The following ERMARD variants were observed in gnomAD, a reference collection of about 807,000 sequenced individuals.
The protein encoded by ERMARD is ER membrane associated RNA degradation.
In ERMARD, 71 loss-of-function variants were observed where a neutral mutation model predicts 83.9. The ratio of observed to expected loss-of-function variants is 0.85; its 90% CI spans 0.70 to 1.03. The LOEUF is 1.03. Among genes scored for constraint, ERMARD ranks in the 50% least tolerant of loss-of-function variants. ERMARD has a pLI of 0.00. For missense variants in ERMARD, 838 were observed against 810.9 expected (o/e 1.03, Z -0.41); for synonymous variants, 284 against 298.6 (o/e 0.95, Z 0.50).
chr6:169,762,404 A>G (rs761708734), intron 8 of ERMARD, 25 bp from the exon 9 acceptor site: 11 of 1,571,292 alleles, frequency 7.0e-6, no homozygotes, highest in Non-Finnish European at 9.6e-6. Flanking sequence ...GTGGAGTTTT[A>G]CCTCTTTTCC....
chr6:169,777,631 A>G (rs900768597), intron 16 of ERMARD, among the ~76,000 whole-genome samples: 8 of 152,102 alleles, frequency 5.3e-5, no homozygotes, highest in Non-Finnish European at 1.2e-4. Flanking sequence ...GTATATATGA[A>G]CTCTATGGAC....
At chr6:169,778,636 CT>C (rs1793860985) in intron 16 of ERMARD, among the ~76,000 whole-genome samples, 2 of 152,216 alleles carry the variant, frequency 1.3e-5, no homozygotes, top group South Asian at 4.1e-4. Flanking sequence ...AATTTACACT[CT>C]TACCAGCAGT....
At chr6:169,751,530 C>T (rs1790075179), upstream of ERMARD, 3 of 1,610,156 alleles carry the variant, frequency 1.9e-6, no homozygotes. Context: ...GCCAGTCCCG[C>T]GAGGGCGGAA....
intron 9 of ERMARD, 49 bp downstream of exon 9, chr6:169,762,580 GTTTT>G: frequency 6.8e-7 from 1 of 1,475,320 alleles, no homozygotes; most frequent in Non-Finnish European, 9.3e-7. Flanking sequence ...TGTATTAACA[GTTTT>G]CTGTTACCAA....
chr6:169,764,288 A>G (rs1585375081), intron 9 of ERMARD, among the ~76,000 whole-genome samples: 1 of 141,834 alleles, frequency 7.1e-6, no homozygotes, highest in Admixed American at 7.1e-5. Context: ...TTTTTGAGGC[A>G]GGGTCTTGCT....
rs779152336 is a variant in ERMARD at position 169,775,265 on chromosome 6, C to T, written c.1318-5C>T. ...CTACAAAAGCAATAAAACATTTCCTCCCAGGTGCTGAGCTGTGAGGAGAGC... is the reference window on the plus strand; with the variant it reads ...CTACAAAAGCAATAAAACATTTCCTTCCAGGTGCTGAGCTGTGAGGAGAGC... On this transcript the variant is annotated splice_polypyrimidine_tract_variant and splice_region_variant and intron_variant, in intron 13 of 17. Transcript: ENST00000366773. 6.2e-7 allele frequency: 1 copy of T among 1,613,868 alleles called. No homozygotes were observed. Among genetic ancestry groups the T allele is most frequent in the Non-Finnish European group, 8.5e-7 (1 of 1,179,926 alleles).
At chr6:169,772,074 G>A (rs1434728064) in intron 12 of ERMARD, 1 of 152,354 alleles carries the variant, frequency 6.6e-6, no homozygotes, top group Non-Finnish European at 1.5e-5. Flanking sequence ...TGTCCCTCCT[G>A]TGCCACCACC....
At chr6:169,767,951 C>T (rs755191862) in intron 10 of ERMARD, 152 bp from the exon 11 acceptor site, 1 of 626,092 alleles carries the variant, frequency 1.6e-6, no homozygotes, top group Non-Finnish European at 2.9e-6. Flanking sequence ...TTCCTGAACA[C>T]CTGTTTGCTG....
At chr6:169,760,505 TA>T in intron 7 of ERMARD, 136 bp from the exon 8 acceptor site, 1 of 635,716 alleles carries the variant, frequency 1.6e-6, no homozygotes, top group Non-Finnish European at 2.7e-6. Context: ...TCCTACTCTC[TA>T]ACAAGTCCCC....
At position 169,767,928 on chromosome 6, in the gene ERMARD, G is replaced by A. The variant is rs1439278805; in HGVS notation, c.991-175G>A. The A allele has an allele frequency of 4.9e-6, 3 of 610,740 alleles. No individual in the cohort carries two copies. The African/African-American group carries it at 5.6e-5, about 11-fold the overall frequency. The allele number at this position is 610,740 out of a possible 1,614,324, so 37.8% of individuals were successfully genotyped here. A position where few individuals can be genotyped will look rare whatever the true frequency, so the allele number is the denominator to read the frequency against. ...ATATAGTCTTAAAGTCATTCTGTTGGTTAAGAAAATATTTCCTGAACACCT... is the reference window on the plus strand; with the variant it reads ...ATATAGTCTTAAAGTCATTCTGTTGATTAAGAAAATATTTCCTGAACACCT... On this transcript the variant is annotated intron_variant, in intron 10 of 17. Transcript: ENST00000366773.
chr6:169,779,434 C>T (rs1793956572), intron 17 of ERMARD, 139 bp downstream of exon 17: 1 of 705,320 alleles, frequency 1.4e-6, no homozygotes, highest in South Asian at 1.6e-5. Context: ...AAGGGTCTGA[C>T]ATCTGGCCTG....
intron 10 of ERMARD, 107 bp downstream of exon 10, chr6:169,766,774 AC>A (rs1407811546): frequency 1.5e-5 from 18 of 1,224,866 alleles, no homozygotes; most frequent in Non-Finnish European, 2.0e-5. Flanking sequence ...TCATATACTT[AC>A]AGGAAAATGT....
At chr6:169,758,324 C>G (rs1311194528) in intron 5 of ERMARD, among the ~76,000 whole-genome samples, 1 of 152,212 alleles carries the variant, frequency 6.6e-6, no homozygotes, top group Non-Finnish European at 1.5e-5. Context: ...AGTATGGCGC[C>G]TCAAACCCAA....
intron 14 of ERMARD, 108 bp from the exon 15 acceptor site, chr6:169,775,832 G>C: frequency 7.5e-7 from 1 of 1,341,930 alleles, no homozygotes; most frequent in South Asian, 1.5e-5. Flanking sequence ...AGGAAAGTGA[G>C]ATTCACAGTC....
intron 1 of ERMARD, 67 bp downstream of exon 1, chr6:169,751,730 G>A (rs759528378): frequency 6.6e-5 from 98 of 1,487,926 alleles, no homozygotes; most frequent in Non-Finnish European, 8.3e-5. Flanking sequence ...GCTGGGTGGT[G>A]CTCGGCTACG....
rs1398857296 is a variant in ERMARD, at chr6:169,753,872, A to G, written c.15A>G (p.Ile5Met). The change falls in exon 2 of 18, where the codon ATA becomes ATG. Residue 5 changes from isoleucine to methionine, a missense_variant. Coordinates refer to ENST00000366773, the MANE Select transcript of ERMARD (RefSeq NM_018341.3). Reference sequence around the variant, plus strand: ...TTTATTTTATTTTTTAGGTATTAATAGGGGACCCTATTACCACATGTCTTT... The same window carrying G: ...TTTATTTTATTTTTTAGGTATTAATGGGGGACCCTATTACCACATGTCTTT... The part of the protein sequence containing the change: MEVL[I>M]GDPITTCLSP... The G allele has an allele frequency of 6.4e-7, 1 of 1,572,936 alleles. No individual in the cohort carries two copies. Among genetic ancestry groups the G allele is most frequent in the African/African-American group, 1.4e-5 (1 of 73,000 alleles).
At position 169,751,645 on chromosome 6, in the gene ERMARD, G is replaced by C. The variant is rs182293452; in HGVS notation, c.-13G>C. 4.8e-4 allele frequency: 757 copies of C among 1,565,666 alleles called. 9 individuals are homozygous for C. The African/African-American group carries it at 9.3e-3, about 19-fold the overall frequency. ...GCGTCATTCACGCGCGCCGCAGCGG[G>C]GCACCGGAAGTTATGGAGGTAGGGC... On this transcript the variant is annotated 5_prime_UTR_variant, in exon 1 of 18. Transcript: ENST00000366773.
intron 12 of ERMARD, chr6:169,773,108 T>C: frequency 2.0e-6 from 1 of 508,254 alleles, no homozygotes; most frequent in South Asian, 3.3e-5. Flanking sequence ...TGATCTATTA[T>C]TGTTAATGGC....
Position 169,773,414 on chromosome 6 carries a change from G to C in ERMARD, c.1317+12G>C. 5 of 1,613,944 alleles carry C rather than the reference G, an allele frequency of 3.1e-6. No individual in the cohort carries two copies. The highest frequency in any genetic ancestry group is 4.2e-6 in the Non-Finnish European group (5 of 1,179,834). On this transcript the variant is annotated intron_variant, in intron 13 of 17. Coordinates refer to ENST00000366773, the MANE Select transcript of ERMARD (RefSeq NM_018341.3). ...AGCTTAAAAAACAGGTATGCCAAAT[G>C]CAGGGTCCCGGGAGGGGCGTGTATG...
Sources: gnomAD v4.1 joint callset for allele counts (sites outside exome capture counted in the v4.1 genomes callset) on GRCh38, gnomAD v4.1.1 for gene constraint, MANE v1.5 for transcripts, NCBI Gene and HGNC (gene_info 2026-07-23, HGNC 2026-07-21) for gene names.